SH2D4A: variants seen among roughly 807,000 people sequenced by gnomAD.
SH2D4A encodes the protein SH2 domain containing 4A.
A neutral mutation model predicts 64.7 loss-of-function variants in SH2D4A; 70 were observed. The ratio of observed to expected loss-of-function variants is 1.08; its 90% CI spans 0.89 to 1.32. The LOEUF (loss-of-function observed/expected upper bound fraction) is 1.32, where lower values mean the gene tolerates loss of function less well. Among genes scored for constraint, SH2D4A ranks in the 40% most tolerant of loss-of-function variants. The pLI, the probability that SH2D4A is intolerant of heterozygous loss-of-function variation, is 0.00. For missense variants in SH2D4A, 706 were observed against 540.1 expected, an observed-to-expected ratio of 1.31 and a Z score of -3.04; for synonymous variants, 268 against 200.7, an observed-to-expected ratio of 1.34 and a Z score of -2.83.
intron 1 of SH2D4A, among the ~76,000 whole-genome samples, chr8:19,319,003 T>C (rs1406836508): frequency 1.3e-5 from 2 of 152,170 alleles, no homozygotes; most frequent in East Asian, 1.9e-4. Context: ...CTTTCTTTTT[T>C]CAGCCACACA....
At chr8:19,316,930 T>C (rs1250734024) in intron 1 of SH2D4A, among the ~76,000 whole-genome samples, 1 of 152,190 alleles carries the variant, frequency 6.6e-6, no homozygotes, top group Non-Finnish European at 1.5e-5. Context: ...TTAATTAAGA[T>C]GGTGCCTGGT....
intron 4 of SH2D4A, among the ~76,000 whole-genome samples, chr8:19,346,913 G>A (rs1042773234): frequency 6.6e-6 from 1 of 152,138 alleles, no homozygotes; most frequent in Admixed American, 6.5e-5. Flanking sequence ...GCCAGGCTTC[G>A]TCCTTCGCAT....
chr8:19,357,994 C>T (rs186467886), intron 5 of SH2D4A, among the ~76,000 whole-genome samples: 11 of 152,192 alleles, frequency 7.2e-5, no homozygotes, highest in Non-Finnish European at 1.2e-4. Flanking sequence ...GCCATGAATT[C>T]CATGATTCCT....
chr8:19,330,731 C>G (rs532633208), intron 2 of SH2D4A, among the ~76,000 whole-genome samples: 1 of 152,046 alleles, frequency 6.6e-6, no homozygotes, highest in Admixed American at 6.6e-5. Context: ...GGCACAGTGC[C>G]ACTTGCCATC....
Position 19,339,653 on chromosome 8 carries a change from C to T in SH2D4A, c.513+4796C>T, listed in dbSNP as rs144772290. On this transcript the variant is annotated intron_variant, in intron 4 of 9. Transcript: ENST00000265807. ...TAGCTGGGACTACAGGCACAGGCCA[C>T]CACCCCCAGCCAATTTTAACAATTT... Among the ~76,000 whole-genome samples, 1,460 of 152,098 alleles carry T rather than the reference C, an allele frequency of 9.6e-3. 32 individuals are homozygous for T. Among genetic ancestry groups the T allele is most frequent in the African/African-American group, 0.033 (1,377 of 41,484 alleles).
intron 8 of SH2D4A, among the ~76,000 whole-genome samples, chr8:19,386,862 C>T (rs2053402093): frequency 6.6e-6 from 1 of 152,210 alleles, no homozygotes; most frequent in Non-Finnish European, 1.5e-5. Context: ...TCACTGCAGC[C>T]TTGACTGTCT....
chr8:19,331,992 A>G (rs1274665442), intron 2 of SH2D4A, among the ~76,000 whole-genome samples: 1 of 152,226 alleles, frequency 6.6e-6, no homozygotes, highest in East Asian at 1.9e-4. Flanking sequence ...TGTCTCTACA[A>G]AAAATTTTAA....
chr8:19,349,671 T>G (rs2052666489), intron 4 of SH2D4A, among the ~76,000 whole-genome samples: 1 of 152,230 alleles, frequency 6.6e-6, no homozygotes, highest in Non-Finnish European at 1.5e-5. Flanking sequence ...GCCATTGGGT[T>G]AATGTGAGAA....
Position 19,395,285 on chromosome 8 carries a change from G to A in SH2D4A, c.*643G>A, listed in dbSNP as rs1030234466. 2 of 152,234 alleles carry A rather than the reference G, an allele frequency of 1.3e-5. No individual in the cohort carries two copies. The highest frequency in any genetic ancestry group is 2.4e-5 in the African/African-American group (1 of 41,448). The allele number at this position is 152,234 out of a possible 1,614,324, so 9.4% of individuals were successfully genotyped here. The stretch of plus-strand genomic sequence containing the variant: ...TTCTTGTTCGGGAGAATGGGGCCGG[G>A]GCTGGCCTGGCCTCCCCTGGATATA... On this transcript the variant is annotated 3_prime_UTR_variant, in exon 10 of 10. Transcript: ENST00000265807.
chr8:19,393,632 G>A, intron 9 of SH2D4A, 91 bp downstream of exon 9: 3 of 1,289,492 alleles, frequency 2.3e-6, no homozygotes, highest in Non-Finnish European at 3.3e-6. Flanking sequence ...AAAGGACTGA[G>A]ACAAGTACTG....
At chr8:19,391,651 C>G (rs1443793019) in intron 8 of SH2D4A, among the ~76,000 whole-genome samples, 3 of 152,196 alleles carry the variant, frequency 2.0e-5, no homozygotes, top group African/African-American at 7.2e-5. Context: ...GGTCTGTGTT[C>G]TCCTAAATAG....
intron 4 of SH2D4A, among the ~76,000 whole-genome samples, chr8:19,342,500 G>A (rs1042388646): frequency 6.6e-6 from 1 of 152,202 alleles, no homozygotes; most frequent in Non-Finnish European, 1.5e-5. Context: ...TGGTCATTGG[G>A]ATGATAGTGG....
At chr8:19,329,949 T>C (rs77622909) in intron 2 of SH2D4A, among the ~76,000 whole-genome samples, 3,020 of 152,320 alleles carry the variant, frequency 0.02, 102 homozygotes, top group African/African-American at 0.07. Flanking sequence ...TAATACACTG[T>C]GTCTACCTCA....
Position 19,395,237 on chromosome 8 carries a change from G to C in SH2D4A, c.*595G>C, listed in dbSNP as rs1047349746. 2 of 152,272 alleles carry C rather than the reference G, an allele frequency of 1.3e-5. No individual in the cohort carries two copies. The highest frequency in any genetic ancestry group is 4.8e-5 in the African/African-American group (2 of 41,460). The allele number at this position is 152,272 out of a possible 1,614,324, so 9.4% of individuals were successfully genotyped here. On this transcript the variant is annotated 3_prime_UTR_variant, in exon 10 of 10. Coordinates refer to ENST00000265807, the MANE Select transcript of SH2D4A (RefSeq NM_022071.4). The stretch of plus-strand genomic sequence containing the variant: ...AATACAGATGGACCTGCAGGAAAGT[G>C]AGCAAACATCGCTGAGTTTGTTTTC...
chr8:19,382,810 T>C (rs564901436), intron 8 of SH2D4A, among the ~76,000 whole-genome samples: 5 of 149,946 alleles, frequency 3.3e-5, no homozygotes, highest in African/African-American at 1.2e-4. Context: ...TCTCTCTTGC[T>C]GCTTTTAAGA....
chr8:19,322,786 TCAGCCTCCTGAG>T, intron 2 of SH2D4A, among the ~76,000 whole-genome samples: 1 of 151,944 alleles, frequency 6.6e-6, no homozygotes, highest in African/African-American at 2.4e-5. Flanking sequence ...TTCTCCTGCC[TCAGCCTCCTGAG>T]TGACTAGCTG....
intron 7 of SH2D4A, among the ~76,000 whole-genome samples, chr8:19,367,380 T>G (rs10090718): frequency 0.011 from 1,652 of 152,308 alleles, 27 homozygotes; most frequent in African/African-American, 0.037. Context: ...ATGAGAGTTC[T>G]CCTTTCTCTA....
At chr8:19,318,781 A>G (rs4921635) in intron 1 of SH2D4A, among the ~76,000 whole-genome samples, 103,813 of 152,084 alleles carry the variant, frequency 0.68, 35,994 homozygotes, top group South Asian at 0.77. Context: ...AGGAAAGTAC[A>G]TAATTTTGTT....
In SH2D4A at chr8:19,324,190, C is replaced by T. The variant is rs899897363; in HGVS notation, c.181+4462C>T. On this transcript the variant is annotated intron_variant, in intron 2 of 9. Transcript: ENST00000265807. ...ATTGGGTAACGCAAACAGAAGACGC[C>T]TTCGCTTAGCAGCGTGTTTCCCAGC... 1.3e-5 allele frequency among the ~76,000 whole-genome samples: 2 copies of T among 152,284 alleles called. 1 individual carries two copies. Among genetic ancestry groups the T allele is most frequent in the Middle Eastern group, 6.8e-3 (2 of 294 alleles).
Sources: gnomAD v4.1 joint callset for allele counts (sites outside exome capture counted in the v4.1 genomes callset) on GRCh38, gnomAD v4.1.1 for gene constraint, MANE v1.5 for transcripts, NCBI Gene and HGNC (gene_info 2026-07-23, HGNC 2026-07-21) for gene names.